Variants in TTC6 observed in about 807,000 individuals in gnomAD.
TTC6 encodes the protein tetratricopeptide repeat protein 6.
Under a neutral mutation model 210.4 loss-of-function variants are expected in TTC6, and 172 were observed. The observed-to-expected ratio is 0.82, with a 90% confidence interval of 0.72 to 0.93. The LOEUF (loss-of-function observed/expected upper bound fraction) is 0.93, where lower values mean the gene tolerates loss of function less well. TTC6 is among the 40% of genes least tolerant of loss of function. TTC6 has a pLI of 0.00. For synonymous variants in TTC6, 804 were observed against 819.6 expected (o/e 0.98, Z 0.32); for missense variants, 2,414 against 2,318.1 (o/e 1.04, Z -0.85).
At chr14:37,735,403 T>TA (rs1020369769) in intron 7 of TTC6, among the ~76,000 whole-genome samples, 3 of 152,162 alleles carry the variant, frequency 2.0e-5, no homozygotes, top group Non-Finnish European at 2.9e-5. Context: ...CATTTAATAA[T>TA]AACCTTAATC....
intron 1 of TTC6, among the ~76,000 whole-genome samples, chr14:37,672,864 C>CTATAGGGTAG (rs1340593515): frequency 1.7e-5 from 2 of 116,836 alleles, no homozygotes; most frequent in African/African-American, 3.7e-5. Flanking sequence ...TAGTTTTCTT[C>CTATAGGGTAG]TATAGGGTAG....
chr14:37,827,665 T>A, intron 29 of TTC6: 1 of 234,532 alleles, frequency 4.3e-6, no homozygotes, highest in South Asian at 1.0e-4. Flanking sequence ...ATCGCACATA[T>A]TTAAAATGTA....
chr14:37,836,993 A>G (rs376011175), intron 29 of TTC6, among the ~76,000 whole-genome samples: 1 of 152,168 alleles, frequency 6.6e-6, no homozygotes, highest in African/African-American at 2.4e-5. Context: ...AAATAACTGG[A>G]TCTGCTTTTT....
At chr14:37,826,204 A>G (rs745357791) in exon 28 of TTC6, 1 of 1,593,138 alleles carries the variant, frequency 6.3e-7, no homozygotes, top group South Asian at 1.1e-5. Flanking sequence ...GGCCCAAGGA[A>G]AATTCCAGAA....
At position 37,737,777 on chromosome 14, in the gene TTC6, A is replaced by G. The variant is rs886363324; in HGVS notation, c.1983+43A>G. On this transcript the variant is annotated intron_variant, in intron 9 of 30. Transcript: ENST00000553443. ...TTTTTACTCTCTAAAAGAAACATTT[A>G]TATTCCTAGGAATAATAATCACCTT... is the stretch of plus-strand genomic sequence containing the variant. The G allele has an allele frequency of 4.6e-6, 5 of 1,096,108 alleles. No individual in the cohort carries two copies. In the African/African-American group the frequency reaches 6.5e-5, roughly 14 times the overall value. The allele number at this position is 1,096,108 out of a possible 1,614,324, so 67.9% of individuals were successfully genotyped here.
At chr14:37,659,124 A>G (rs2095731449) in intron 1 of TTC6, among the ~76,000 whole-genome samples, 1 of 151,902 alleles carries the variant, frequency 6.6e-6, no homozygotes, top group Non-Finnish European at 1.5e-5. Flanking sequence ...ATTTTTTTTT[A>G]TGGCTGCATA....
intron 29 of TTC6, among the ~76,000 whole-genome samples, chr14:37,838,614 G>T (rs1370455972): frequency 1.3e-5 from 2 of 151,948 alleles, no homozygotes; most frequent in Non-Finnish European, 2.9e-5. Context: ...AAATTCCCTT[G>T]TGGTTGAGCT....
exon 2 of TTC6, chr14:37,680,198 A>T (rs1375282229): frequency 6.5e-7 from 1 of 1,534,540 alleles, no homozygotes; most frequent in African/African-American, 1.4e-5. Context: ...CACCTATGCA[A>T]GCAGAAACAC....
intron 2 of TTC6, among the ~76,000 whole-genome samples, chr14:37,608,286 T>G (rs71405799): frequency 0.084 from 12,627 of 151,156 alleles, 686 homozygotes; most frequent in Middle Eastern, 0.12. Context: ...CAAGTTTTTT[T>G]TGTGTGTGTG....
chr14:37,820,878 CCTCCTCCTT>C (rs1219527133), intron 26 of TTC6, among the ~76,000 whole-genome samples: 5 of 145,976 alleles, frequency 3.4e-5, no homozygotes, highest in East Asian at 4.1e-4. Flanking sequence ...TCCTCCTTCT[CCTCCTCCTT>C]CTCCTCCTTC....
chr14:37,670,377 A>G (rs755132558), intron 1 of TTC6, among the ~76,000 whole-genome samples: 2 of 151,320 alleles, frequency 1.3e-5, no homozygotes, highest in African/African-American at 2.4e-5. Context: ...TGGGATAATT[A>G]TGTGGGACAA....
At chr14:37,666,255 G>A (rs2138441690) in intron 1 of TTC6, among the ~76,000 whole-genome samples, 1 of 149,556 alleles carries the variant, frequency 6.7e-6, no homozygotes, top group East Asian at 1.9e-4. Flanking sequence ...ATTCCCCATC[G>A]ATCTGCTTTA....
intron 6 of TTC6, among the ~76,000 whole-genome samples, chr14:37,717,685 A>G (rs2095854897): frequency 6.6e-6 from 1 of 152,206 alleles, no homozygotes; most frequent in Admixed American, 6.5e-5. Flanking sequence ...AGGAGGGAAG[A>G]CTTCTCAATT....
intron 1 of TTC6, among the ~76,000 whole-genome samples, chr14:37,651,435 TTTTTTTTTTTTTTTTTTTCC>T (rs1566864753): frequency 1.4e-4 from 6 of 43,378 alleles, no homozygotes; most frequent in African/African-American, 7.0e-4. Context: ...ATTTTTTTTT[TTTTTTTTTTTTTTTTTTTCC>T]ATCCATGATT....
intron 14 of TTC6, among the ~76,000 whole-genome samples, chr14:37,768,751 G>A (rs2096007550): frequency 6.6e-6 from 1 of 152,126 alleles, no homozygotes; most frequent in Non-Finnish European, 1.5e-5. Context: ...CTGCAAAGAA[G>A]GACAATTTGA....
At chr14:37,751,625 A>C (rs2095952217) in intron 13 of TTC6, among the ~76,000 whole-genome samples, 1 of 152,130 alleles carries the variant, frequency 6.6e-6, no homozygotes, top group Non-Finnish European at 1.5e-5. Context: ...CAGGGAACCT[A>C]TCTGCTCTCA....
intron 5 of TTC6, among the ~76,000 whole-genome samples, chr14:37,710,020 T>C (rs1472734230): frequency 1.3e-5 from 2 of 152,116 alleles, no homozygotes; most frequent in African/African-American, 2.4e-5. Flanking sequence ...ATGAGCACTT[T>C]AAAAAATGGT....
chr14:37,817,685 A>G, intron 26 of TTC6, 34 bp downstream of exon 28: 5 of 1,595,324 alleles, frequency 3.1e-6, no homozygotes, highest in African/African-American at 2.7e-5. Flanking sequence ...AGTGGAATCA[A>G]GCAGGACCAT....
In TTC6 at chr14:37,808,910, G is replaced by T. The variant is rs2096124010; in HGVS notation, c.4569+64G>T. 3.8e-6 allele frequency: 3 copies of T among 793,330 alleles called. 1 individual carries two copies. In the South Asian group the frequency reaches 5.1e-5, roughly 13 times the overall value. The allele number at this position is 793,330 out of a possible 1,614,324, so 49.1% of individuals were successfully genotyped here. On this transcript the variant is annotated intron_variant, in intron 24 of 30. Coordinates refer to ENST00000553443, the Ensembl canonical transcript of TTC6. ...TTTAATAAATAACATGCATTTAATA[G>T]CTTGTGGATTTCAATCAATAAATAT...
Sources: allele counts gnomAD v4.1 joint callset (sites outside exome capture counted in the v4.1 genomes callset), GRCh38; gene constraint gnomAD v4.1.1; transcripts MANE v1.5; gene names NCBI Gene and HGNC (gene_info 2026-07-23, HGNC 2026-07-21).